CPT1A: variants seen among roughly 807,000 people sequenced by gnomAD.
The protein encoded by CPT1A is carnitine O-palmitoyltransferase 1, liver isoform.
CPT1A carries 64 observed loss-of-function variants against 100.8 expected under a neutral mutation model. The ratio of observed to expected loss-of-function variants is 0.63; its 90% CI spans 0.52 to 0.78. The LOEUF is 0.78. CPT1A is among the 30% of genes least tolerant of loss of function. The pLI is 0.00. For synonymous variants in CPT1A, 363 were observed against 396.0 expected (o/e 0.92, Z 0.99); for missense variants, 802 against 1,034.1 (o/e 0.78, Z 3.08).
At chr11:68,823,288 G>A (rs1294414667) in intron 1 of CPT1A, among the ~76,000 whole-genome samples, 1 of 152,018 alleles carries the variant, frequency 6.6e-6, no homozygotes, top group Non-Finnish European at 1.5e-5. Flanking sequence ...CATTTTAGAT[G>A]GGTGAATTTT....
intron 14 of CPT1A, among the ~76,000 whole-genome samples, chr11:68,767,295 C>T (rs998825063): frequency 2.0e-5 from 3 of 152,096 alleles, no homozygotes; most frequent in African/African-American, 4.8e-5. Context: ...AATATTTTTC[C>T]GTATAATATG....
At chr11:68,838,898 G>T (rs1435079336) in intron 1 of CPT1A, among the ~76,000 whole-genome samples, 1 of 152,162 alleles carries the variant, frequency 6.6e-6, no homozygotes, top group Admixed American at 6.5e-5. Flanking sequence ...TGCATCGTAT[G>T]CTTATATCGC....
intron 14 of CPT1A, among the ~76,000 whole-genome samples, chr11:68,763,706 C>T (rs1345320612): frequency 1.3e-5 from 2 of 152,008 alleles, no homozygotes; most frequent in South Asian, 2.1e-4. Context: ...GTGCTGGCAG[C>T]GGGAGAGGGG....
intron 9 of CPT1A, among the ~76,000 whole-genome samples, chr11:68,790,103 G>C (rs1020347527): frequency 4.6e-5 from 7 of 151,848 alleles, no homozygotes; most frequent in African/African-American, 1.7e-4. Context: ...GTCTCATTCT[G>C]TCACCCAGGC....
chr11:68,814,782 G>A (rs1335380465), intron 2 of CPT1A, among the ~76,000 whole-genome samples: 1 of 152,048 alleles, frequency 6.6e-6, no homozygotes, highest in Non-Finnish European at 1.5e-5. Context: ...TGCCTCCCAG[G>A]TTCAAGTGAT....
At chr11:68,823,586 C>A (rs936046702) in intron 1 of CPT1A, among the ~76,000 whole-genome samples, 2 of 148,524 alleles carry the variant, frequency 1.3e-5, no homozygotes, top group Non-Finnish European at 3.0e-5. Context: ...GTCAGGAGTT[C>A]GAGAACAGCC....
Position 68,815,346 on chromosome 11 carries a change from G to A in CPT1A, c.129C>T (p.Phe43=). Residue 43 remains phenylalanine, a synonymous_variant, in exon 2 of 19, where the codon TTC becomes TTT. Transcript: ENST00000265641. The part of the protein sequence containing the change: ...LSGLHSWKKK[F]IRFKNGIITG... ...AATCTCAGAAAACCTTGAATCTGAT[G>A]AACTTCTTTTTCCAGGAATGAAGTC... The A allele has an allele frequency of 6.2e-7, 1 of 1,614,096 alleles. No individual in the cohort carries two copies. The highest frequency in any genetic ancestry group is 1.7e-5 in the Admixed American group (1 of 60,018).
intron 1 of CPT1A, chr11:68,839,531 A>G: frequency 8.1e-6 from 8 of 985,468 alleles, no homozygotes; most frequent in Non-Finnish European, 8.4e-6. Context: ...CCCCAGCGAC[A>G]GCGGGAGAAA....
At position 68,812,591 on chromosome 11, in the gene CPT1A, C is replaced by G; in HGVS notation, c.142-15G>C. On this transcript the variant is annotated splice_polypyrimidine_tract_variant and intron_variant, in intron 2 of 18. Coordinates refer to ENST00000265641, the MANE Select transcript of CPT1A (RefSeq NM_001876.4). ...ATGATGCCGTTCTAAAGACAGACAC[C>G]CGGGCCGTGAGCGGTGTCCTCCCAC... 6.2e-7 allele frequency: 1 copy of G among 1,614,040 alleles called. No individual in the cohort carries two copies. The highest frequency in any genetic ancestry group is 8.5e-7 in the Non-Finnish European group (1 of 1,179,962).
chr11:68,758,943 A>T (rs958315645), intron 18 of CPT1A, among the ~76,000 whole-genome samples: 4 of 152,090 alleles, frequency 2.6e-5, no homozygotes, highest in African/African-American at 9.7e-5. Context: ...AAAACTAGGT[A>T]AAGAGAATTT....
intron 5 of CPT1A, among the ~76,000 whole-genome samples, chr11:68,801,615 G>C (rs1021029305): frequency 6.8e-6 from 1 of 146,928 alleles, no homozygotes; most frequent in African/African-American, 2.7e-5. Flanking sequence ...GGGTGACAGA[G>C]CAAGACTCTG....
At position 68,812,091 on chromosome 11, in the gene CPT1A, G is replaced by T. The variant is rs139526638; in HGVS notation, c.281+346C>A. On this transcript the variant is annotated intron_variant, in intron 3 of 18. Coordinates refer to ENST00000265641, the MANE Select transcript of CPT1A (RefSeq NM_001876.4). ...AAGTGCAAAGAAATGACTACATGGG[G>T]AATCAGCCCTTTGAGCAGAAATTCC... 6.6e-3 allele frequency among the ~76,000 whole-genome samples: 1,005 copies of T among 152,282 alleles called. 9 individuals are homozygous for T. Among genetic ancestry groups the T allele is most frequent in the Middle Eastern group, 0.017 (5 of 294 alleles).
intron 17 of CPT1A, 67 bp from the exon 18 acceptor site, chr11:68,759,728 T>C: frequency 2.5e-6 from 3 of 1,176,936 alleles, no homozygotes; most frequent in Non-Finnish European, 3.8e-6. Context: ...GACTTTCTAA[T>C]GTTCTAAATG....
chr11:68,778,849 G>A (rs1855216087), intron 12 of CPT1A, among the ~76,000 whole-genome samples: 1 of 151,398 alleles, frequency 6.6e-6, no homozygotes, highest in Non-Finnish European at 1.5e-5. Context: ...GCAGTGGCGT[G>A]ATCTCGGCTC....
At chr11:68,840,881 A>C (rs1040010600) in intron 1 of CPT1A, among the ~76,000 whole-genome samples, 1 of 150,510 alleles carries the variant, frequency 6.6e-6, no homozygotes, top group South Asian at 2.1e-4. Context: ...TGACACCCCC[A>C]CCCTCCCGCG....
chr11:68,760,408 G>T, intron 16 of CPT1A, 70 bp from the exon 17 acceptor site: 1 of 1,219,484 alleles, frequency 8.2e-7, no homozygotes, highest in Non-Finnish European at 1.2e-6. Context: ...GCTTTGGGAA[G>T]ACGAGAAAAG....
chr11:68,760,458 T>A, intron 16 of CPT1A, 120 bp from the exon 17 acceptor site: 1 of 855,478 alleles, frequency 1.2e-6, no homozygotes, highest in Non-Finnish European at 1.9e-6. Flanking sequence ...ACCACAAGTC[T>A]ATGTCTCCAA....
chr11:68,823,177 A>G (rs771378774), intron 1 of CPT1A, among the ~76,000 whole-genome samples: 2 of 151,470 alleles, frequency 1.3e-5, no homozygotes, highest in Non-Finnish European at 2.9e-5. Flanking sequence ...TTGAGCCTGG[A>G]AGTTCGAAGC....
At chr11:68,827,863 C>T (rs1856770184) in intron 1 of CPT1A, among the ~76,000 whole-genome samples, 1 of 152,174 alleles carries the variant, frequency 6.6e-6, no homozygotes, top group African/African-American at 2.4e-5. Context: ...GAGTTCCAAG[C>T]TGCCCCATGC....
Sources: gnomAD v4.1 joint callset for allele counts (sites outside exome capture counted in the v4.1 genomes callset) on GRCh38, gnomAD v4.1.1 for gene constraint, MANE v1.5 for transcripts, NCBI Gene and HGNC (gene_info 2026-07-23, HGNC 2026-07-21) for gene names.